The following DLG2 variants were observed in gnomAD, a reference collection of about 807,000 sequenced individuals.
The protein encoded by DLG2 is disks large homolog 2.
Under a neutral mutation model 132.5 loss-of-function variants are expected in DLG2, and 45 were observed. The ratio of observed to expected loss-of-function variants is 0.34; its 90% CI spans 0.27 to 0.44. The LOEUF is 0.44. Ranked by LOEUF, DLG2 falls within the 20% of genes least tolerant of loss-of-function variation. DLG2 has a pLI of 1.00. For missense variants in DLG2, 1,045 were observed against 1,196.9 expected, an observed-to-expected ratio of 0.87 and a Z score of 1.87; for synonymous variants, 424 against 419.6, an observed-to-expected ratio of 1.01 and a Z score of -0.13.
At chr11:84,090,722 G>A (rs2097077596) in intron 10 of DLG2, among the ~76,000 whole-genome samples, 1 of 152,030 alleles carries the variant, frequency 6.6e-6, no homozygotes, top group African/African-American at 2.4e-5. Context: ...TGCATCAAAA[G>A]GTTTTAAAAT....
intron 15 of DLG2, among the ~76,000 whole-genome samples, chr11:83,887,337 T>C (rs931117527): frequency 5.3e-5 from 8 of 151,892 alleles, no homozygotes; most frequent in Non-Finnish European, 8.8e-5. Flanking sequence ...GCAAATAAAC[T>C]AGAAAATCTA....
At chr11:84,786,600 C>CA (rs1379859425) in intron 6 of DLG2, among the ~76,000 whole-genome samples, 1 of 152,136 alleles carries the variant, frequency 6.6e-6, no homozygotes, top group Non-Finnish European at 1.5e-5. Flanking sequence ...TGGCTTCCCC[C>CA]AAAAAACATC....
intron 4 of DLG2, among the ~76,000 whole-genome samples, chr11:85,190,066 C>T (rs2080415483): frequency 6.6e-6 from 1 of 152,132 alleles, no homozygotes; most frequent in Non-Finnish European, 1.5e-5. Flanking sequence ...GCTTTAGACC[C>T]TTCAGAAATG....
rs537199186 is a variant in DLG2, at chr11:85,381,427, T to C, written c.41-96062A>G. Reference sequence around the variant, plus strand: ...GGTGAAAGACTGAAAGGTTTTCCCCTAAGATCAGGAACGATACAAGAATGG... The same window carrying C: ...GGTGAAAGACTGAAAGGTTTTCCCCCAAGATCAGGAACGATACAAGAATGG... On this transcript the variant is annotated intron_variant, in intron 3 of 27. Coordinates refer to ENST00000376104, the MANE Select transcript of DLG2 (RefSeq NM_001142699.3). 4.6e-5 allele frequency among the ~76,000 whole-genome samples: 7 copies of C among 152,316 alleles called. No homozygotes were observed. The East Asian group carries it at 1.2e-3, about 25-fold the overall frequency.
chr11:85,125,126 A>G (rs2074932748), intron 5 of DLG2, among the ~76,000 whole-genome samples: 1 of 152,180 alleles, frequency 6.6e-6, no homozygotes, highest in African/African-American at 2.4e-5. Context: ...CACCGTGCCC[A>G]GCCTGAGCGC....
intron 6 of DLG2, among the ~76,000 whole-genome samples, chr11:84,666,277 C>T (rs2099699641): frequency 6.6e-6 from 1 of 152,138 alleles, no homozygotes; most frequent in Non-Finnish European, 1.5e-5. Flanking sequence ...AAACAACTGA[C>T]TCTTCTCAAA....
intron 7 of DLG2, among the ~76,000 whole-genome samples, chr11:84,260,043 T>G (rs1007342535): frequency 1.3e-5 from 2 of 150,246 alleles, no homozygotes; most frequent in African/African-American, 4.9e-5. Context: ...CTCTGTTTGA[T>G]CCTCCTTTAA....
chr11:84,029,530 T>C (rs1291128920), intron 11 of DLG2, among the ~76,000 whole-genome samples: 2 of 151,914 alleles, frequency 1.3e-5, no homozygotes, highest in African/African-American at 4.8e-5. Context: ...AATCATAGAG[T>C]ATTAGTTGGA....
At chr11:84,657,246 CT>C (rs1450870809) in intron 6 of DLG2, among the ~76,000 whole-genome samples, 1 of 152,058 alleles carries the variant, frequency 6.6e-6, no homozygotes, top group African/African-American at 2.4e-5. Context: ...AACAGTGATC[CT>C]TTAGAGCACT....
intron 7 of DLG2, among the ~76,000 whole-genome samples, chr11:84,380,376 A>T (rs2098745121): frequency 6.6e-6 from 1 of 152,056 alleles, no homozygotes; most frequent in South Asian, 2.1e-4. Context: ...TTCAAGCCTC[A>T]ACAAATGTCA....
chr11:85,116,484 G>A (rs1171422596), intron 5 of DLG2, among the ~76,000 whole-genome samples: 1 of 151,790 alleles, frequency 6.6e-6, no homozygotes, highest in Non-Finnish European at 1.5e-5. Flanking sequence ...TGTGTCTATA[G>A]ATACATATAT....
chr11:84,101,485 GT>G (rs1361966547), intron 9 of DLG2, among the ~76,000 whole-genome samples: 2 of 151,992 alleles, frequency 1.3e-5, no homozygotes, highest in African/African-American at 4.8e-5. Flanking sequence ...GACTGCAGAG[GT>G]TAAGGCCAGA....
intron 6 of DLG2, among the ~76,000 whole-genome samples, chr11:84,978,390 G>A (rs1038953300): frequency 9.2e-5 from 14 of 152,202 alleles, no homozygotes; most frequent in African/African-American, 3.1e-4. Flanking sequence ...GAGGCATCAC[G>A]CTACCTGACT....
chr11:84,079,829 C>T (rs1272284181), intron 10 of DLG2, among the ~76,000 whole-genome samples: 2 of 152,228 alleles, frequency 1.3e-5, no homozygotes, highest in African/African-American at 2.4e-5. Context: ...CACTCTCCCA[C>T]CACCTCCAGT....
chr11:84,390,815 C>T (rs1021152814), intron 7 of DLG2, among the ~76,000 whole-genome samples: 3 of 152,102 alleles, frequency 2.0e-5, no homozygotes, highest in Admixed American at 6.6e-5. Context: ...AAAATCTCAG[C>T]GGCTTACCAT....
chr11:84,577,446 G>T (rs976031068), intron 6 of DLG2, among the ~76,000 whole-genome samples: 1 of 152,130 alleles, frequency 6.6e-6, no homozygotes, highest in Non-Finnish European at 1.5e-5. Context: ...TGGACAATAA[G>T]GTCCAGGCTG....
intron 8 of DLG2, among the ~76,000 whole-genome samples, chr11:84,188,004 C>T: frequency 6.6e-6 from 1 of 152,080 alleles, no homozygotes; most frequent in East Asian, 1.9e-4. Context: ...TTCCCAAAAT[C>T]AAATAGGATA....
chr11:85,103,663 T>TA (rs1326786054), intron 6 of DLG2, among the ~76,000 whole-genome samples: 1 of 151,972 alleles, frequency 6.6e-6, no homozygotes, highest in African/African-American at 2.4e-5. Context: ...GACCTTGGGT[T>TA]ATGCCAAGCC....
chr11:83,467,812 C>T (rs12099078), intron 25 of DLG2, among the ~76,000 whole-genome samples: 1,645 of 91,796 alleles, frequency 0.018, 23 homozygotes, highest in African/African-American at 0.041. Flanking sequence ...TATATATATA[C>T]ACACACACAT....
Sources: gnomAD v4.1 joint callset for allele counts (sites outside exome capture counted in the v4.1 genomes callset) on GRCh38, gnomAD v4.1.1 for gene constraint, MANE v1.5 for transcripts, NCBI Gene and HGNC (gene_info 2026-07-23, HGNC 2026-07-21) for gene names.